Variants in GLO1 observed in about 807,000 individuals in gnomAD.
GLO1 encodes the protein glyoxalase I, also known as lactoylglutathione lyase.
In GLO1, 28 loss-of-function variants were observed where a neutral mutation model predicts 26.0. That is an observed-to-expected ratio of 1.08 (90% confidence interval 0.80 to 1.48). The LOEUF (loss-of-function observed/expected upper bound fraction) is 1.48, where lower values mean the gene tolerates loss of function less well. Among genes scored for constraint, GLO1 ranks in the 40% most tolerant of loss-of-function variants. The probability of loss-of-function intolerance (pLI) is 0.00; values close to 1 mark genes in which losing one functional copy is unlikely to be tolerated. For synonymous variants in GLO1, 78 were observed against 77.6 expected, an observed-to-expected ratio of 1.00 and a Z score of -0.03; for missense variants, 225 against 224.8, an observed-to-expected ratio of 1.00 and a Z score of -0.01.
In GLO1 at chr6:38,689,790, A is replaced by G. The variant is rs1049277518; in HGVS notation, c.85-2816T>C. 2.6e-5 allele frequency among the ~76,000 whole-genome samples: 4 copies of G among 152,254 alleles called. No individual in the cohort carries two copies. In the South Asian group the frequency reaches 6.2e-4, roughly 24 times the overall value. ...GTGAAACCCCGTCTCTACTAAAAAT[A>G]CAAAAAATCAGCCAGTAGTGGTGGT... On this transcript the variant is annotated intron_variant, in intron 1 of 5. Coordinates refer to ENST00000373365, the MANE Select transcript of GLO1 (RefSeq NM_006708.3).
rs755284158 is a variant in GLO1, at chr6:38,703,116, C to A, written c.-62G>T. 1.3e-4 allele frequency: 126 copies of A among 977,162 alleles called. No individual in the cohort carries two copies. The highest frequency in any genetic ancestry group is 1.8e-4 in the Non-Finnish European group (116 of 633,872). 60.5% of individuals were successfully genotyped at this position (977,162 alleles called of 1,614,324 possible). A position where few individuals can be genotyped will look rare whatever the true frequency, so the allele number is the denominator to read the frequency against. On this transcript the variant is annotated 5_prime_UTR_variant, in exon 1 of 6. Coordinates refer to ENST00000373365, the MANE Select transcript of GLO1 (RefSeq NM_006708.3). ...GAACGGAGGAGTCACCCACACTACG[C>A]CTCGGCCCTGTGCCGCCTTAACTAG...
chr6:38,702,891 C>G (rs986287990), intron 1 of GLO1, 80 bp downstream of exon 1: 19 of 770,920 alleles, frequency 2.5e-5, no homozygotes, highest in Non-Finnish European at 3.7e-5. Context: ...GCAGCGGCGG[C>G]GGGATGGGGT....
chr6:38,689,973 C>T (rs1285549446), intron 1 of GLO1, among the ~76,000 whole-genome samples: 1 of 151,944 alleles, frequency 6.6e-6, no homozygotes, highest in African/African-American at 2.4e-5. Flanking sequence ...TACAGGCGCC[C>T]GCCACCCAGC....
chr6:38,701,970 G>C (rs111624192), intron 1 of GLO1, among the ~76,000 whole-genome samples: 1 of 141,962 alleles, frequency 7.0e-6, no homozygotes, highest in Non-Finnish European at 1.5e-5. Context: ...TCACTCTGTC[G>C]CCCAGGCTGG....
At chr6:38,697,069 T>C (rs952433854) in intron 1 of GLO1, among the ~76,000 whole-genome samples, 1 of 152,066 alleles carries the variant, frequency 6.6e-6, no homozygotes, top group Non-Finnish European at 1.5e-5. Context: ...CGCGCCACCA[T>C]GTCTGGCTAA....
At position 38,693,701 on chromosome 6, in the gene GLO1, ATAT is replaced by A. The variant is rs1475834636; in HGVS notation, c.85-6730_85-6728del. Among the ~76,000 whole-genome samples the A allele has an allele frequency of 6.8e-3, 948 of 139,270 alleles. 21 individuals are homozygous for A. The highest frequency in any genetic ancestry group is 0.025 in the African/African-American group (908 of 36,140). The allele number at this position is 139,270 out of a possible 152,430, so 91.4% of individuals were successfully genotyped here. A position where few individuals can be genotyped will look rare whatever the true frequency, so the allele number is the denominator to read the frequency against. On this transcript the variant is annotated intron_variant, in intron 1 of 5. Coordinates refer to ENST00000373365, the MANE Select transcript of GLO1 (RefSeq NM_006708.3). ...TCTCTCTCTCTATATATATATATAT[ATAT>A]ATTTGTTTTGTTTTGTTTTGTTTTG... is the stretch of plus-strand genomic sequence containing the variant.
chr6:38,677,942 G>A (rs1761287042), intron 5 of GLO1, among the ~76,000 whole-genome samples: 1 of 152,076 alleles, frequency 6.6e-6, no homozygotes, highest in South Asian at 2.1e-4. Context: ...TCACCTTCAT[G>A]ATACCACACT....
rs370484644 is a variant in GLO1, at chr6:38,693,971, A to C, written c.85-6997T>G. On this transcript the variant is annotated intron_variant, in intron 1 of 5. Coordinates refer to ENST00000373365, the MANE Select transcript of GLO1 (RefSeq NM_006708.3). ...GTGATCCGCCTGCCTCAGCCTCCCA[A>C]AGTGCTGGGATTACAGGCGTGAGCC... Among the ~76,000 whole-genome samples the C allele has an allele frequency of 4.5e-3, 692 of 152,162 alleles. 9 individuals carry two copies. The highest frequency in any genetic ancestry group is 0.016 in the African/African-American group (668 of 41,512).
chr6:38,694,371 C>G (rs1406090295), intron 1 of GLO1, among the ~76,000 whole-genome samples: 3 of 152,150 alleles, frequency 2.0e-5, no homozygotes, highest in Middle Eastern at 6.8e-3. Context: ...CTGTCTAGTT[C>G]TATCAATTGT....
At chr6:38,696,623 A>G (rs1761614586) in intron 1 of GLO1, among the ~76,000 whole-genome samples, 1 of 151,914 alleles carries the variant, frequency 6.6e-6, no homozygotes. Flanking sequence ...CTACCTAATC[A>G]CTTTCTGAAA....
At chr6:38,684,538 TG>T in intron 2 of GLO1, 24 bp from the exon 3 acceptor site, 1 of 1,436,812 alleles carries the variant, frequency 7.0e-7, no homozygotes, top group Non-Finnish European at 9.2e-7. Flanking sequence ...ACAACAAGCC[TG>T]AATCATTAAC....
Position 38,684,515 on chromosome 6 carries a change from C to T in GLO1, c.168-1G>A, listed in dbSNP as rs1162092879. On this transcript the variant is annotated splice_acceptor_variant, in intron 2 of 5. Coordinates refer to ENST00000373365, the MANE Select transcript of GLO1 (RefSeq NM_006708.3). LOFTEE classifies it high-confidence loss of function. ...GGGAAAATCACATTTTTGGATTAGC[C>T]TGCAATGAAAAAACAACAAGCCTGA... 3.3e-6 allele frequency: 5 copies of T among 1,504,154 alleles called. No homozygotes were observed. Among genetic ancestry groups the T allele is most frequent in the Non-Finnish European group, 3.6e-6 (4 of 1,125,850 alleles). The allele number at this position is 1,504,154 out of a possible 1,614,324, so 93.2% of individuals were successfully genotyped here. A position where few individuals can be genotyped will look rare whatever the true frequency, so the allele number is the denominator to read the frequency against.
At chr6:38,678,081 C>A (rs1761291473) in intron 5 of GLO1, among the ~76,000 whole-genome samples, 1 of 152,162 alleles carries the variant, frequency 6.6e-6, no homozygotes, top group Non-Finnish European at 1.5e-5. Context: ...TCATACAAAC[C>A]CTTTTAAATA....
intron 1 of GLO1, among the ~76,000 whole-genome samples, chr6:38,695,139 C>T (rs1334086902): frequency 6.6e-6 from 1 of 152,000 alleles, no homozygotes; most frequent in Non-Finnish European, 1.5e-5. Flanking sequence ...TGTTTGTTTT[C>T]TGTTTGTTCT....
At chr6:38,697,827 A>G (rs1761635118) in intron 1 of GLO1, among the ~76,000 whole-genome samples, 1 of 152,218 alleles carries the variant, frequency 6.6e-6, no homozygotes. Context: ...TATCTTGAGG[A>G]AAGCAAGAAG....
intron 3 of GLO1, among the ~76,000 whole-genome samples, chr6:38,683,443 CATG>C (rs1479826085): frequency 6.6e-6 from 1 of 152,178 alleles, no homozygotes; most frequent in Admixed American, 6.5e-5. Flanking sequence ...TAAAGGAACA[CATG>C]ATATCACATT....
chr6:38,678,632 C>T (rs889038474), intron 5 of GLO1, among the ~76,000 whole-genome samples: 2 of 152,162 alleles, frequency 1.3e-5, no homozygotes, highest in African/African-American at 2.4e-5. Flanking sequence ...CCTGCCCTCT[C>T]GCTTGTTCAG....
chr6:38,695,388 T>TAC (rs746141690), intron 1 of GLO1, among the ~76,000 whole-genome samples: 10 of 151,914 alleles, frequency 6.6e-5, no homozygotes, highest in South Asian at 2.1e-4. Flanking sequence ...TGTATATGTA[T>TAC]ACACACACAC....
At chr6:38,682,425 C>T (rs948683355) in intron 4 of GLO1, among the ~76,000 whole-genome samples, 1 of 152,092 alleles carries the variant, frequency 6.6e-6, no homozygotes, top group Non-Finnish European at 1.5e-5. Flanking sequence ...TTGTGGTTGG[C>T]ATTGACTATA....
Sources: gnomAD v4.1 joint callset for allele counts (sites outside exome capture counted in the v4.1 genomes callset) on GRCh38, gnomAD v4.1.1 for gene constraint, MANE v1.5 for transcripts, NCBI Gene and HGNC (gene_info 2026-07-23, HGNC 2026-07-21) for gene names.